Variants in PATJ observed in about 807,000 individuals in gnomAD.
The protein encoded by PATJ is PATJ crumbs cell polarity complex component.
In PATJ, 190 loss-of-function variants were observed where a neutral mutation model predicts 224.9. That is an observed-to-expected ratio of 0.84 (90% CI 0.75 to 0.95). The LOEUF (loss-of-function observed/expected upper bound fraction) is 0.95, where lower values mean the gene tolerates loss of function less well. Ranked by LOEUF, PATJ falls within the 40% of genes least tolerant of loss-of-function variation. PATJ has a pLI of 0.00. For missense variants in PATJ, 2,121 were observed against 2,270.3 expected (o/e 0.93, Z 1.34); for synonymous variants, 769 against 820.3 (o/e 0.94, Z 1.07).
At chr1:61,861,789 T>A in intron 19 of PATJ, 122 bp downstream of exon 19, 1 of 520,162 alleles carries the variant, frequency 1.9e-6, no homozygotes, top group East Asian at 3.2e-5. Flanking sequence ...TAGAAATAAA[T>A]AAAGACATAA....
intron 1 of PATJ, among the ~76,000 whole-genome samples, chr1:61,743,729 G>A (rs1035405101): frequency 5.9e-5 from 9 of 152,166 alleles, no homozygotes; most frequent in Non-Finnish European, 8.8e-5. Context: ...TAGCTAAAGT[G>A]AGCTTTGATG....
At chr1:61,891,057 A>G (rs1669538317) in intron 22 of PATJ, among the ~76,000 whole-genome samples, 1 of 152,058 alleles carries the variant, frequency 6.6e-6, no homozygotes, top group Non-Finnish European at 1.5e-5. Flanking sequence ...AAAAAAAAAA[A>G]TGTAATAGGA....
chr1:61,956,465 C>A (rs1486537272), intron 27 of PATJ, among the ~76,000 whole-genome samples: 1 of 152,058 alleles, frequency 6.6e-6, no homozygotes, highest in Non-Finnish European at 1.5e-5. Context: ...AGTGCAGGTA[C>A]AAGAGCAGGC....
At chr1:61,874,172 TTTTATTTATTTATTTATTTATTTA>T (rs61201804) in intron 20 of PATJ, among the ~76,000 whole-genome samples, 2 of 139,714 alleles carry the variant, frequency 1.4e-5, no homozygotes, top group African/African-American at 2.7e-5. Flanking sequence ...CTTGGGCCTA[TTTTATTTATTTATTTATTTATTTA>T]TTTATTTATT....
intron 28 of PATJ, 159 bp downstream of exon 28, chr1:61,990,523 G>A (rs1645002105): frequency 4.2e-6 from 2 of 481,778 alleles, no homozygotes; most frequent in Non-Finnish European, 7.0e-6. Flanking sequence ...TCAAACTGTT[G>A]TTTGCAAATG....
intron 1 of PATJ, among the ~76,000 whole-genome samples, chr1:61,742,881 G>C (rs897570162): frequency 6.6e-6 from 1 of 151,686 alleles, no homozygotes; most frequent in Non-Finnish European, 1.5e-5. Flanking sequence ...CCGAGGCCGC[G>C]GGCAGGGAGG....
intron 5 of PATJ, among the ~76,000 whole-genome samples, chr1:61,770,101 A>G (rs1187835561): frequency 6.6e-6 from 1 of 152,190 alleles, no homozygotes; most frequent in Non-Finnish European, 1.5e-5. Context: ...TATTATTATA[A>G]AATTCTTAGT....
At chr1:62,066,032 C>T (rs1468305463) in intron 31 of PATJ, among the ~76,000 whole-genome samples, 3 of 152,154 alleles carry the variant, frequency 2.0e-5, no homozygotes, top group Non-Finnish European at 1.5e-5. Context: ...ATAAATCTAC[C>T]TTCTCTTTCA....
chr1:61,776,212 G>A (rs1484160315), intron 7 of PATJ, among the ~76,000 whole-genome samples: 1 of 152,202 alleles, frequency 6.6e-6, no homozygotes, highest in Admixed American at 6.5e-5. Flanking sequence ...ATTTAGAACA[G>A]CAGTTGTCAA....
chr1:62,106,077 T>C (rs796983794), intron 33 of PATJ, among the ~76,000 whole-genome samples: 7 of 16,486 alleles, frequency 4.2e-4, no homozygotes, highest in Admixed American at 8.9e-4. Context: ...TATATATATA[T>C]ATACACACAC....
At chr1:61,912,295 C>T (rs990570403) in intron 25 of PATJ, among the ~76,000 whole-genome samples, 36 of 152,136 alleles carry the variant, frequency 2.4e-4, no homozygotes, top group Non-Finnish European at 2.6e-4. Flanking sequence ...CATTTCTCTG[C>T]TATTTGAAAA....
chr1:62,016,854 A>G (rs1570069548), intron 28 of PATJ, among the ~76,000 whole-genome samples: 1 of 152,190 alleles, frequency 6.6e-6, no homozygotes, highest in Non-Finnish European at 1.5e-5. Context: ...TGTTTACAAA[A>G]TCATGTTTAA....
chr1:61,953,601 T>C (rs1680028643), intron 27 of PATJ, among the ~76,000 whole-genome samples: 1 of 152,238 alleles, frequency 6.6e-6, no homozygotes. Context: ...TTGTGTTTCT[T>C]TTCATTCTGC....
chr1:62,141,868 G>A (rs974243345), intron 41 of PATJ, among the ~76,000 whole-genome samples: 3 of 151,956 alleles, frequency 2.0e-5, no homozygotes, highest in Non-Finnish European at 2.9e-5. Flanking sequence ...TACTTGGGAG[G>A]CGGAGGCAAG....
chr1:62,112,976 G>A (rs986738758), intron 34 of PATJ, among the ~76,000 whole-genome samples: 2 of 152,194 alleles, frequency 1.3e-5, no homozygotes, highest in Non-Finnish European at 2.9e-5. Context: ...GTGTGCCTCA[G>A]TTTCCTCCTC....
chr1:62,014,562 CTTTTTTTTT>C (rs35711547), intron 28 of PATJ, among the ~76,000 whole-genome samples: 2 of 84,518 alleles, frequency 2.4e-5, no homozygotes, highest in Non-Finnish European at 4.4e-5. Flanking sequence ...CTTTTCTTTC[CTTTTTTTTT>C]TTTTTTTTTT....
rs571902709 is a variant in PATJ, at chr1:61,761,351, A to G, written c.-35-1507A>G. ...CAAGACACAATGTGTCCATCACTCC[A>G]AAAAAGCTTCCTTGAACCCCTTCCC... On this transcript the variant is annotated intron_variant, in intron 1 of 43. Transcript: ENST00000642238. 1.4e-4 allele frequency among the ~76,000 whole-genome samples: 21 copies of G among 152,232 alleles called. No individual in the cohort carries two copies. In the South Asian group the frequency reaches 3.5e-3, roughly 26 times the overall value.
chr1:62,079,703 G>A, intron 32 of PATJ, 136 bp downstream of exon 32: 1 of 658,468 alleles, frequency 1.5e-6, no homozygotes, highest in Non-Finnish European at 2.7e-6. Context: ...TTAGCTTTGG[G>A]GCTTGGATAG....
intron 22 of PATJ, among the ~76,000 whole-genome samples, chr1:61,897,751 A>G (rs1023964164): frequency 5.9e-5 from 9 of 152,280 alleles, no homozygotes; most frequent in African/African-American, 1.9e-4. Context: ...ATTTTTTTCA[A>G]AGCTGGGCAT....
Sources: gnomAD v4.1 joint callset for allele counts (sites outside exome capture counted in the v4.1 genomes callset) on GRCh38, gnomAD v4.1.1 for gene constraint, MANE v1.5 for transcripts, NCBI Gene and HGNC (gene_info 2026-07-23, HGNC 2026-07-21) for gene names.